The following CDH12 variants were observed in gnomAD, a reference collection of about 807,000 sequenced individuals.
CDH12 encodes cadherin 12.
CDH12 carries 41 observed loss-of-function variants against 74.1 expected under a neutral mutation model. The observed-to-expected ratio is 0.55, with a 90% CI of 0.43 to 0.72. The LOEUF is 0.72. CDH12 is among the 30% of genes least tolerant of loss of function. CDH12 has a pLI of 0.00. For missense variants in CDH12, 945 were observed against 977.2 expected (o/e 0.97, Z 0.44); for synonymous variants, 399 against 355.0 (o/e 1.12, Z -1.39).
chr5:22,697,165 TA>T (rs1177720474), intron 1 of CDH12, among the ~76,000 whole-genome samples: 1 of 152,096 alleles, frequency 6.6e-6, no homozygotes, highest in Non-Finnish European at 1.5e-5. Flanking sequence ...CATGAAACAG[TA>T]AAGCAGATGA....
At chr5:22,132,160 G>T (rs2150288208) in intron 4 of CDH12, among the ~76,000 whole-genome samples, 1 of 152,030 alleles carries the variant, frequency 6.6e-6, no homozygotes, top group South Asian at 2.1e-4. Context: ...ATATATAGAT[G>T]GAAGGCCTTG....
At chr5:22,061,861 T>A (rs1182467844) in intron 5 of CDH12, among the ~76,000 whole-genome samples, 1 of 152,156 alleles carries the variant, frequency 6.6e-6, no homozygotes, top group African/African-American at 2.4e-5. Flanking sequence ...GTCATATGGA[T>A]TGACATGTGC....
intron 2 of CDH12, among the ~76,000 whole-genome samples, chr5:22,497,638 C>CTTTTTTTTTTTTTT (rs747466944): frequency 1.2e-5 from 1 of 83,228 alleles, no homozygotes; most frequent in Admixed American, 2.0e-4. Flanking sequence ...TGTCGAATCT[C>CTTTTTTTTTTTTTT]TTTTTTTTTT....
At position 22,142,711 on chromosome 5, in the gene CDH12, T is replaced by A. The variant is rs1746882503; in HGVS notation, c.-186-63849A>T. 3 of 331,726 alleles carry A rather than the reference T, an allele frequency of 9.0e-6. No homozygotes were observed. In the South Asian group the frequency reaches 9.1e-5, roughly 10 times the overall value. The allele number at this position is 331,726 out of a possible 1,614,324, so 20.5% of individuals were successfully genotyped here. A position where few individuals can be genotyped will look rare whatever the true frequency, so the allele number is the denominator to read the frequency against. ...GGCTCAATTACACCTGCCAAAAATGTGGGATTAAGAAGTGTTTAATTAGTT... is the reference window on the plus strand; with the variant it reads ...GGCTCAATTACACCTGCCAAAAATGAGGGATTAAGAAGTGTTTAATTAGTT... On this transcript the variant is annotated intron_variant, in intron 4 of 14. Coordinates refer to ENST00000382254, the MANE Select transcript of CDH12 (RefSeq NM_004061.5).
At chr5:22,572,312 C>T (rs1561499056) in intron 1 of CDH12, among the ~76,000 whole-genome samples, 2 of 152,098 alleles carry the variant, frequency 1.3e-5, no homozygotes, top group Non-Finnish European at 2.9e-5. Context: ...TTAGTATTGA[C>T]TACTGGTGGG....
At chr5:22,128,180 G>A (rs2150283900) in intron 4 of CDH12, among the ~76,000 whole-genome samples, 1 of 152,256 alleles carries the variant, frequency 6.6e-6, no homozygotes, top group Non-Finnish European at 1.5e-5. Flanking sequence ...TAGAGCCACA[G>A]ATGAGCTCCT....
chr5:22,077,077 TGC>T (rs1182124498), intron 5 of CDH12, among the ~76,000 whole-genome samples: 7 of 146,192 alleles, frequency 4.8e-5, no homozygotes, highest in East Asian at 1.9e-4. Context: ...TGTGTGTGTG[TGC>T]GCGTGTGTAT....
Position 21,939,903 on chromosome 5 carries a change from G to A in CDH12, c.526+35188C>T, listed in dbSNP as rs569553361. Among the ~76,000 whole-genome samples, 17 of 151,998 alleles carry A rather than the reference G, an allele frequency of 1.1e-4. No homozygotes were observed. The East Asian group carries it at 1.2e-3, about 10-fold the overall frequency. On this transcript the variant is annotated intron_variant, in intron 6 of 14. Coordinates refer to ENST00000382254, the MANE Select transcript of CDH12 (RefSeq NM_004061.5). ...ATATTCAAAAAGTGGTTTTTTGTGC[G>A]TACTGATGATAAACACTAATATAAA...
intron 1 of CDH12, among the ~76,000 whole-genome samples, chr5:22,597,749 A>T (rs991382960): frequency 2.0e-5 from 3 of 152,204 alleles, no homozygotes; most frequent in Non-Finnish European, 4.4e-5. Context: ...TGAGTAAAAA[A>T]ATGTATGAAT....
intron 1 of CDH12, among the ~76,000 whole-genome samples, chr5:22,781,988 G>A (rs1190034597): frequency 6.6e-6 from 1 of 152,012 alleles, no homozygotes; most frequent in Non-Finnish European, 1.5e-5. Flanking sequence ...CCCTTTGTTT[G>A]GCCAATTTCT....
intron 1 of CDH12, among the ~76,000 whole-genome samples, chr5:22,553,231 G>A (rs1310756531): frequency 1.3e-5 from 2 of 152,016 alleles, no homozygotes; most frequent in East Asian, 3.9e-4. Flanking sequence ...TTAAACATTG[G>A]AAACCTCATC....
At chr5:22,581,507 T>C (rs980020016) in intron 1 of CDH12, among the ~76,000 whole-genome samples, 2 of 152,230 alleles carry the variant, frequency 1.3e-5, no homozygotes, top group African/African-American at 4.8e-5. Context: ...TTCTTGACTT[T>C]TCTGCACTGG....
chr5:21,820,609 G>A (rs4626307), intron 8 of CDH12, among the ~76,000 whole-genome samples: 88,296 of 151,724 alleles, frequency 0.58, 28,687 homozygotes, highest in Non-Finnish European at 0.73. Context: ...AAATATTACA[G>A]CTGGTAATAA....
chr5:22,169,735 A>G (rs1748908512), intron 4 of CDH12, among the ~76,000 whole-genome samples: 1 of 151,964 alleles, frequency 6.6e-6, no homozygotes, highest in African/African-American at 2.4e-5. Context: ...TAATTGATAC[A>G]TAATATCTCA....
chr5:21,846,350 T>C (rs1290701510), intron 7 of CDH12, among the ~76,000 whole-genome samples: 3 of 152,100 alleles, frequency 2.0e-5, no homozygotes, highest in Admixed American at 6.6e-5. Flanking sequence ...TTTTGCCTAT[T>C]AAACCTCCGT....
chr5:21,892,309 A>C (rs1309524473), intron 6 of CDH12, among the ~76,000 whole-genome samples: 1 of 152,160 alleles, frequency 6.6e-6, no homozygotes, highest in African/African-American at 2.4e-5. Context: ...GTGGTTATCA[A>C]TCATGGTGAT....
At chr5:22,846,966 T>C (rs994387542) in intron 1 of CDH12, among the ~76,000 whole-genome samples, 12 of 152,176 alleles carry the variant, frequency 7.9e-5, no homozygotes, top group African/African-American at 2.4e-4. Context: ...TTAAAATTTT[T>C]ATTGTTAATG....
rs375919159 is a variant in CDH12, at chr5:22,142,463, G to T, written c.-186-63601C>A. ...TATAAAACCTTATCTTGCACTAGAA[G>T]GATCTGTAGCTTTTCCAGCTGAGAA... On this transcript the variant is annotated intron_variant, in intron 4 of 14. Coordinates refer to ENST00000382254, the MANE Select transcript of CDH12 (RefSeq NM_004061.5). The T allele has an allele frequency of 2.2e-3, 1,320 of 604,224 alleles. 21 individuals carry two copies. The highest frequency in any genetic ancestry group is 0.018 in the South Asian group (1,289 of 70,790). 37.4% of individuals were successfully genotyped at this position (604,224 alleles called of 1,614,324 possible). A position where few individuals can be genotyped will look rare whatever the true frequency, so the allele number is the denominator to read the frequency against.
At chr5:22,610,615 G>T (rs1737348080) in intron 1 of CDH12, among the ~76,000 whole-genome samples, 1 of 150,728 alleles carries the variant, frequency 6.6e-6, no homozygotes. Flanking sequence ...GGTAAATACT[G>T]AATAAAATCT....
Sources: gnomAD v4.1 joint callset for allele counts (sites outside exome capture counted in the v4.1 genomes callset) on GRCh38, gnomAD v4.1.1 for gene constraint, MANE v1.5 for transcripts, NCBI Gene and HGNC (gene_info 2026-07-23, HGNC 2026-07-21) for gene names.